TRANK1: variants seen among roughly 807,000 people sequenced by gnomAD.
TRANK1 encodes tetratricopeptide repeat and ankyrin repeat containing 1, also known as TPR and ankyrin repeat-containing protein 1.
A neutral mutation model predicts 266.0 loss-of-function variants in TRANK1; 198 were observed. That is an observed-to-expected ratio of 0.74 (90% CI 0.66 to 0.84). The LOEUF is 0.84. Ranked by LOEUF, TRANK1 falls within the 40% of genes least tolerant of loss-of-function variation. The pLI is 0.00. For missense variants in TRANK1, 3,326 were observed against 3,634.6 expected (o/e 0.92, Z 2.18); for synonymous variants, 1,396 against 1,384.1 (o/e 1.01, Z -0.19).
intron 13 of TRANK1, among the ~76,000 whole-genome samples, chr3:36,853,271 T>C (rs144510800): frequency 2.6e-3 from 395 of 152,298 alleles, no homozygotes; most frequent in African/African-American, 9.2e-3. Flanking sequence ...GTGATAGGAT[T>C]TGAACATAGA....
intron 13 of TRANK1, among the ~76,000 whole-genome samples, chr3:36,853,850 G>A (rs1213800101): frequency 6.6e-6 from 1 of 152,148 alleles, no homozygotes; most frequent in Non-Finnish European, 1.5e-5. Context: ...TTGTCACCGT[G>A]GAGTGGGAAG....
chr3:36,833,621 G>A lies in TRANK1; in HGVS notation c.5962C>T (p.Gln1988Ter). The change falls in exon 22 of 24, where the codon CAG (glutamine) becomes TAG (stop). Residue 1988 changes from glutamine (Q) to a stop codon, truncating the protein, a stop_gained. Transcript: ENST00000645898. LOFTEE classifies it high-confidence loss of function. ...GCGGCCCCCAGCAGACATGAGGCCT[G>A]GAAGTCCTTGTCGGCAGTGAGCCTG... ...AARLTADKDF[Q>*]ASCLLGAARL... 1 of 1,613,864 alleles carries A rather than the reference G, an allele frequency of 6.2e-7. No homozygotes were observed.
intron 1 of TRANK1, among the ~76,000 whole-genome samples, chr3:36,924,794 A>G (rs1030022050): frequency 6.6e-6 from 1 of 152,174 alleles, no homozygotes; most frequent in African/African-American, 2.4e-5. Context: ...AAAGTCCCAC[A>G]TGCTTGCCCC....
At position 36,831,347 on chromosome 3, in the gene TRANK1, G is replaced by A. The variant is rs373055579; in HGVS notation, c.8236C>T (p.Arg2746Cys). Residue 2746 changes from arginine (R) to cysteine (C), a missense_variant, in exon 22 of 24, where the codon CGT becomes TGT. Arg to Cys is a radical substitution (Grantham distance 180, BLOSUM62 -3). Coordinates refer to ENST00000645898, the MANE Select transcript of TRANK1 (RefSeq NM_001329998.2). The surrounding 1 kb of genome is among the most constrained non-coding windows in gnomAD (Gnocchi z 5.0). ...WRRRVGTQME[R>C]VREEAREPRA... Reference sequence around the variant, plus strand: ...GGCTCCCTGGCCTCCTCCCTGACACGCTCCATCTGGGTGCCCACTCTTCTC... The same window carrying A: ...GGCTCCCTGGCCTCCTCCCTGACACACTCCATCTGGGTGCCCACTCTTCTC... 73 of 1,613,202 alleles carry A rather than the reference G, an allele frequency of 4.5e-5. No individual in the cohort carries two copies. The highest frequency in any genetic ancestry group is 1.1e-4 in the African/African-American group (8 of 74,878).
At chr3:36,834,120 T>G (rs776620488) in intron 21 of TRANK1, among the ~76,000 whole-genome samples, 17 of 152,224 alleles carry the variant, frequency 1.1e-4, no homozygotes, top group Non-Finnish European at 2.2e-4. Flanking sequence ...ATGAATAAAT[T>G]CCTTATGCTT....
chr3:36,918,526 A>AAGGAAGGAAGGAAGGAAG, intron 1 of TRANK1, among the ~76,000 whole-genome samples: 1 of 23,486 alleles, frequency 4.3e-5, no homozygotes, highest in African/African-American at 1.8e-4. Flanking sequence ...AAAGAAAGAA[A>AAGGAAGGAAGGAAGGAAG]GAAAGAAGGA....
rs191823698 is a variant in TRANK1 at position 36,829,934 on chromosome 3, A to C, written c.8711-272T>G. Among the ~76,000 whole-genome samples the C allele has an allele frequency of 1.2e-3, 184 of 152,388 alleles. 1 individual carries two copies. Among genetic ancestry groups the C allele is most frequent in the Non-Finnish European group, 2.1e-3 (146 of 68,040 alleles). ...AGACACTTGTGTCCAAAATGTCATT[A>C]AACCTTAAACTGGAAAGAGTATCTG... On this transcript the variant is annotated intron_variant, in intron 22 of 23. Transcript: ENST00000645898.
At chr3:36,919,881 T>C (rs2080191004) in intron 1 of TRANK1, among the ~76,000 whole-genome samples, 1 of 152,244 alleles carries the variant, frequency 6.6e-6, no homozygotes, top group Non-Finnish European at 1.5e-5. Context: ...CATATGAGTG[T>C]CCTCTTTTGT....
At chr3:36,910,814 C>A (rs1407691129) in intron 1 of TRANK1, among the ~76,000 whole-genome samples, 1 of 151,534 alleles carries the variant, frequency 6.6e-6, no homozygotes, top group African/African-American at 2.4e-5. Flanking sequence ...GTAATCCCAG[C>A]ACTTTAGGAG....
chr3:36,889,768 G>T (rs1254241696), intron 8 of TRANK1, 61 bp downstream of exon 8: 2 of 1,476,240 alleles, frequency 1.4e-6, no homozygotes, highest in Admixed American at 2.4e-5. Context: ...CGGTGGTGTG[G>T]GTCCTCAAAG....
At chr3:36,853,448 G>A (rs2079011566) in intron 13 of TRANK1, among the ~76,000 whole-genome samples, 1 of 152,186 alleles carries the variant, frequency 6.6e-6, no homozygotes, top group Non-Finnish European at 1.5e-5. Context: ...GTTATTAAAA[G>A]TATATAATAT....
intron 1 of TRANK1, among the ~76,000 whole-genome samples, chr3:36,930,074 A>C (rs900035041): frequency 6.6e-6 from 1 of 152,086 alleles, no homozygotes; most frequent in Non-Finnish European, 1.5e-5. Context: ...ACGGGGTTTC[A>C]CCATGGTCAG....
chr3:36,885,012 A>AAT (rs2079582869), intron 8 of TRANK1, among the ~76,000 whole-genome samples: 2 of 152,290 alleles, frequency 1.3e-5, no homozygotes, highest in Middle Eastern at 3.4e-3. Flanking sequence ...CAAAGACCAT[A>AAT]GTAATACCTG....
At chr3:36,904,363 C>T (rs1331646022) in intron 2 of TRANK1, among the ~76,000 whole-genome samples, 1 of 151,258 alleles carries the variant, frequency 6.6e-6, no homozygotes, top group Non-Finnish European at 1.5e-5. Flanking sequence ...TACTAAAATA[C>T]AAAAAAATTA....
chr3:36,902,470 G>A (rs2079897968), intron 3 of TRANK1, among the ~76,000 whole-genome samples: 1 of 152,222 alleles, frequency 6.6e-6, no homozygotes. Flanking sequence ...AACTACTCAA[G>A]AGCTGGGATG....
Position 36,864,400 on chromosome 3 carries a change from A to G in TRANK1, c.1159T>C (p.Ser387Pro), listed in dbSNP as rs1575222664. 2 of 1,537,076 alleles carry G rather than the reference A, an allele frequency of 1.3e-6. No individual in the cohort carries two copies. The highest frequency in any genetic ancestry group is 1.2e-5 in the South Asian group (1 of 84,046). Residue 387 changes from serine (S) to proline (P), a missense_variant, in exon 10 of 24, where the codon TCA becomes CCA. Physicochemically the swap from Ser to Pro is moderately conservative, Grantham distance 74. Transcript: ENST00000645898. ...TTTTTATGCAATAACCGGTTTCCTG[A>G]GTTCATATACTTCACCAGCTGCTCC... is the stretch of plus-strand genomic sequence containing the variant. ...VLEQLVKYMN[S>P]GNRLLHKNFL...
intron 8 of TRANK1, among the ~76,000 whole-genome samples, chr3:36,877,386 T>C (rs1033321189): frequency 6.6e-6 from 1 of 152,118 alleles, no homozygotes; most frequent in Non-Finnish European, 1.5e-5. Flanking sequence ...TATTTAAAAT[T>C]TAAATAAAAT....
At chr3:36,864,573 C>T in intron 9 of TRANK1, 93 bp from the exon 10 acceptor site, 2 of 1,238,928 alleles carry the variant, frequency 1.6e-6, no homozygotes, top group Non-Finnish European at 2.2e-6. Flanking sequence ...CCTCCACATA[C>T]TCACATGCTG....
chr3:36,857,570 T>C lies in TRANK1; in HGVS notation c.2152A>G (p.Lys718Glu), dbSNP rs773796670. 10 of 1,614,048 alleles carry C rather than the reference T, an allele frequency of 6.2e-6. No homozygotes were observed. The highest frequency in any genetic ancestry group is 8.5e-6 in the Non-Finnish European group (10 of 1,179,892). ...CAGGGCCTGAGAGCTCCAGGCTCCTTCCTGGTCACCTGGGTACCTGGGAGA... is the reference window on the plus strand; with the variant it reads ...CAGGGCCTGAGAGCTCCAGGCTCCTCCCTGGTCACCTGGGTACCTGGGAGA... The part of the protein sequence containing the change: ...ETLPGTQVTR[K>E]EPGALRPCSL... The change falls in exon 13 of 24, where the codon AAG becomes GAG. Residue 718 changes from lysine (K) to glutamate (E), a missense_variant. Transcript: ENST00000645898. The surrounding 1 kb of genome is among the most constrained non-coding windows in gnomAD (Gnocchi z 4.3).
Sources: allele counts gnomAD v4.1 joint callset (sites outside exome capture counted in the v4.1 genomes callset), GRCh38; gene constraint gnomAD v4.1.1; non-coding constraint Gnocchi (gnomAD v3.1); transcripts MANE v1.5; gene names NCBI Gene and HGNC (gene_info 2026-07-23, HGNC 2026-07-21).